The following CTIF variants were observed in gnomAD, a reference collection of about 807,000 sequenced individuals.
CTIF encodes the protein cap binding complex dependent translation initiation factor, also known as CBP80/20-dependent translation initiation factor.
In CTIF, 21 loss-of-function variants were observed where a neutral mutation model predicts 66.0. The ratio of observed to expected loss-of-function variants is 0.32; its 90% CI spans 0.23 to 0.46. CTIF has a LOEUF of 0.46. CTIF is among the 20% of genes least tolerant of loss of function. The pLI, the probability that CTIF is intolerant of heterozygous loss-of-function variation, is 1.00. For missense variants in CTIF, 739 were observed against 812.7 expected (o/e 0.91, Z 1.10); for synonymous variants, 345 against 326.4 (o/e 1.06, Z -0.62).
intron 4 of CTIF, 75 bp from the exon 5 acceptor site, chr18:48,664,372 C>A: frequency 1.5e-6 from 2 of 1,324,922 alleles, no homozygotes; most frequent in Non-Finnish European, 2.2e-6. Context: ...CCAGGTTCAG[C>A]CTGGCCCCCT....
chr18:48,607,031 AAAATAG>A (rs2090214885), intron 1 of CTIF, among the ~76,000 whole-genome samples: 1 of 150,926 alleles, frequency 6.6e-6, no homozygotes, highest in Non-Finnish European at 1.5e-5. Flanking sequence ...ATATTAGAGG[AAAATAG>A]TTTGGAAACC....
chr18:48,766,183 G>A (rs78021494), intron 9 of CTIF, among the ~76,000 whole-genome samples: 5,031 of 144,640 alleles, frequency 0.035, 97 homozygotes, highest in Middle Eastern at 0.043. Context: ...TTCTCAAACC[G>A]GAATGTGCAT....
intron 3 of CTIF, among the ~76,000 whole-genome samples, chr18:48,660,372 C>T (rs951072793): frequency 6.6e-6 from 1 of 152,222 alleles, no homozygotes; most frequent in African/African-American, 2.4e-5. Context: ...TGTTTTTCAC[C>T]CCCAACATGG....
At chr18:48,691,758 C>T (rs1201691614) in intron 6 of CTIF, among the ~76,000 whole-genome samples, 1 of 152,176 alleles carries the variant, frequency 6.6e-6, no homozygotes, top group Admixed American at 6.5e-5. Context: ...CACCAGCTCT[C>T]CCCTGGCCTG....
chr18:48,687,350 A>ACACACACACC (rs36006904), intron 6 of CTIF, among the ~76,000 whole-genome samples: 1 of 147,058 alleles, frequency 6.8e-6, no homozygotes, highest in African/African-American at 2.5e-5. Flanking sequence ...ACACACACAC[A>ACACACACACC]CCAAGCTTAC....
At chr18:48,714,339 G>A (rs1310059897) in intron 7 of CTIF, among the ~76,000 whole-genome samples, 1 of 152,120 alleles carries the variant, frequency 6.6e-6, no homozygotes, top group African/African-American at 2.4e-5. Context: ...AGATTTGGTG[G>A]ACAAAGGGCA....
intron 5 of CTIF, among the ~76,000 whole-genome samples, chr18:48,665,877 A>G (rs538178502): frequency 6.6e-6 from 1 of 152,274 alleles, no homozygotes; most frequent in South Asian, 2.1e-4. Flanking sequence ...TGCATCTATC[A>G]ATCCTTACTT....
chr18:48,854,226 G>T (rs906017213), intron 10 of CTIF, among the ~76,000 whole-genome samples: 2 of 152,090 alleles, frequency 1.3e-5, no homozygotes, highest in African/African-American at 4.8e-5. Context: ...GGAGTGCCTG[G>T]GAGTGAGAAG....
chr18:48,550,929 C>T (rs770108002), intron 1 of CTIF, among the ~76,000 whole-genome samples: 2 of 152,084 alleles, frequency 1.3e-5, no homozygotes, highest in African/African-American at 2.4e-5. Context: ...GTGCCCTGGA[C>T]GAGAACTTAC....
intron 9 of CTIF, among the ~76,000 whole-genome samples, chr18:48,792,162 C>G (rs1254602572): frequency 6.6e-6 from 1 of 152,164 alleles, no homozygotes; most frequent in East Asian, 1.9e-4. Context: ...AAGAGCTCAC[C>G]CAGGTGACCC....
intron 1 of CTIF, among the ~76,000 whole-genome samples, chr18:48,541,949 A>G (rs2088631086): frequency 6.6e-6 from 1 of 152,026 alleles, no homozygotes; most frequent in Non-Finnish European, 1.5e-5. Flanking sequence ...TGTGGCTTGC[A>G]TAAGGCCTCT....
chr18:48,670,557 G>T, intron 5 of CTIF, 112 bp from the exon 6 acceptor site: 1 of 928,192 alleles, frequency 1.1e-6, no homozygotes, highest in Non-Finnish European at 1.7e-6. Context: ...CAGGGCTTGA[G>T]GGTGGGCAGC....
chr18:48,712,469 T>C (rs1276111062), intron 7 of CTIF, among the ~76,000 whole-genome samples: 1 of 152,236 alleles, frequency 6.6e-6, no homozygotes, highest in African/African-American at 2.4e-5. Flanking sequence ...TGTGGTCATT[T>C]ATGCAAAAGG....
intron 6 of CTIF, among the ~76,000 whole-genome samples, chr18:48,681,226 C>T (rs1357197287): frequency 5.3e-5 from 8 of 152,242 alleles, no homozygotes; most frequent in Non-Finnish European, 8.8e-5. Flanking sequence ...CTGTTCTATA[C>T]AGCCAGGGGG....
intron 1 of CTIF, among the ~76,000 whole-genome samples, chr18:48,578,251 A>G (rs7228106): frequency 0.018 from 2,748 of 151,860 alleles, 79 homozygotes; most frequent in African/African-American, 0.064. Flanking sequence ...GGTTGTTTCC[A>G]TATTTTGGCT....
chr18:48,735,781 G>A (rs1171755594), intron 7 of CTIF, among the ~76,000 whole-genome samples: 1 of 152,192 alleles, frequency 6.6e-6, no homozygotes, highest in Non-Finnish European at 1.5e-5. Context: ...ACCCAAAGGT[G>A]CCTGGGTCTG....
chr18:48,724,535 C>T (rs905988863), intron 7 of CTIF, among the ~76,000 whole-genome samples: 8 of 152,210 alleles, frequency 5.3e-5, no homozygotes, highest in African/African-American at 1.9e-4. Flanking sequence ...TCTGATTCTG[C>T]AGGTTCTGCT....
chr18:48,553,815 C>A (rs970010002), intron 1 of CTIF, among the ~76,000 whole-genome samples: 2 of 134,186 alleles, frequency 1.5e-5, no homozygotes, highest in African/African-American at 2.5e-5. Context: ...GCCACCATGC[C>A]CGGCTAATTT....
In CTIF at chr18:48,761,813, C is replaced by T. The variant is rs138973076; in HGVS notation, c.1371+124C>T. The T allele has an allele frequency of 2.0e-5, 19 of 961,316 alleles. No homozygotes were observed. Among genetic ancestry groups the T allele is most frequent in the South Asian group, 8.6e-5 (5 of 58,320 alleles). 59.5% of individuals were successfully genotyped at this position (961,316 alleles called of 1,614,324 possible). On this transcript the variant is annotated intron_variant, in intron 9 of 11. Coordinates refer to ENST00000256413, the MANE Select transcript of CTIF (RefSeq NM_014772.3). This position sits in a 1 kb window ranked among gnomAD's most constrained non-coding sequence, Gnocchi z 4.2. Reference sequence around the variant, plus strand: ...ACTTTTCCCAAGTTCCGCCCTTGCCCGATTAATTATAGAAAACACAAAGGC... The same window carrying T: ...ACTTTTCCCAAGTTCCGCCCTTGCCTGATTAATTATAGAAAACACAAAGGC...
Sources: gnomAD v4.1 joint callset for allele counts (sites outside exome capture counted in the v4.1 genomes callset) on GRCh38, gnomAD v4.1.1 for gene constraint, Gnocchi (gnomAD v3.1) non-coding constraint, MANE v1.5 for transcripts, NCBI Gene and HGNC (gene_info 2026-07-23, HGNC 2026-07-21) for gene names.